Variants in ABL2 observed in about 807,000 individuals in gnomAD.
ABL2 encodes the protein tyrosine-protein kinase ABL2.
A neutral mutation model predicts 107.7 loss-of-function variants in ABL2; 49 were observed. That is an observed-to-expected ratio of 0.45 (90% CI 0.36 to 0.58). The LOEUF is 0.58. ABL2 is among the 20% of genes least tolerant of loss of function. The pLI is 0.00. For synonymous variants in ABL2, 549 were observed against 548.6 expected, an observed-to-expected ratio of 1.00 and a Z score of -0.01; for missense variants, 1,245 against 1,457.0, an observed-to-expected ratio of 0.85 and a Z score of 2.37.
At chr1:179,148,044 T>C (rs555260385) in intron 1 of ABL2, among the ~76,000 whole-genome samples, 7 of 149,968 alleles carry the variant, frequency 4.7e-5, no homozygotes, top group Admixed American at 1.3e-4. Context: ...CTTTTCTTTT[T>C]TTTTTTTTTT....
chr1:179,180,901 C>T (rs1381931909), intron 1 of ABL2, among the ~76,000 whole-genome samples: 1 of 152,146 alleles, frequency 6.6e-6, no homozygotes, highest in Admixed American at 6.5e-5. Context: ...CCCCCTACCA[C>T]AAAGCTAAAT....
Position 179,110,499 on chromosome 1 carries a change from G to C in ABL2, c.1652-44C>G, listed in dbSNP as rs190186223. ...GACCAATAAAAAGAACAATTTCATAGCAGAAAAAGGGAGTTCTTTTCAGAA... is the reference window on the plus strand; with the variant it reads ...GACCAATAAAAAGAACAATTTCATACCAGAAAAAGGGAGTTCTTTTCAGAA... On this transcript the variant is annotated intron_variant, in intron 10 of 11. Transcript: ENST00000502732. 182 of 1,566,616 alleles carry C rather than the reference G, an allele frequency of 1.2e-4. 2 individuals are homozygous for C. In the Admixed American group the frequency reaches 3.6e-3, roughly 31 times the overall value.
intron 1 of ABL2, among the ~76,000 whole-genome samples, chr1:179,185,455 A>T (rs72709477): frequency 0.022 from 3,366 of 152,104 alleles, 65 homozygotes; most frequent in Middle Eastern, 0.054. Context: ...TTTAAAAAAA[A>T]TTTTTTTGTT....
intron 1 of ABL2, among the ~76,000 whole-genome samples, chr1:179,209,909 T>A (rs1662170729): frequency 6.6e-6 from 1 of 152,214 alleles, no homozygotes; most frequent in Non-Finnish European, 1.5e-5. Context: ...AGGGTCTCAC[T>A]CTGCACCCAG....
chr1:179,128,496 AT>A (rs1156690188), intron 3 of ABL2, among the ~76,000 whole-genome samples: 1 of 152,174 alleles, frequency 6.6e-6, no homozygotes, highest in African/African-American at 2.4e-5. Flanking sequence ...CTTGAAAAGA[AT>A]TGGTAATAAC....
Position 179,106,486 on chromosome 1 carries a change from TG to T in ABL2, c.*1231del, listed in dbSNP as rs768459447. On this transcript the variant is annotated 3_prime_UTR_variant, in exon 12 of 12. Transcript: ENST00000502732. ...TGTACAAATAAGCACAATGATTGGG[TG>T]GGGGAGTAGGGAGGAATATGTGAGA... The T allele has an allele frequency of 1.2e-4, 27 of 232,534 alleles. No individual in the cohort carries two copies. Among genetic ancestry groups the T allele is most frequent in the Admixed American group, 2.8e-4 (5 of 17,738 alleles). 14.4% of individuals were successfully genotyped at this position (232,534 alleles called of 1,614,324 possible). A position where few individuals can be genotyped will look rare whatever the true frequency, so the allele number is the denominator to read the frequency against.
Position 179,114,858 on chromosome 1 carries a change from A to G in ABL2, c.1561+20T>C, listed in dbSNP as rs1654467944. 2 of 1,573,424 alleles carry G rather than the reference A, an allele frequency of 1.3e-6. No homozygotes were observed. The highest frequency in any genetic ancestry group is 4.6e-5 in the East Asian group (2 of 43,944). On this transcript the variant is annotated intron_variant, in intron 9 of 11. Coordinates refer to ENST00000502732, the MANE Select transcript of ABL2 (RefSeq NM_007314.4). ...CTGCTAGCTTATGCCTTCAAAATTA[A>G]AACATGCAAAAATACTCACATGCTC...
chr1:179,104,054 T>C lies in ABL2; in HGVS notation c.*3664A>G. 4.3e-6 allele frequency: 1 copy of C among 233,334 alleles called. No individual in the cohort carries two copies. Among genetic ancestry groups the C allele is most frequent in the East Asian group, 6.0e-5 (1 of 16,564 alleles). 14.5% of individuals were successfully genotyped at this position (233,334 alleles called of 1,614,324 possible). A position where few individuals can be genotyped will look rare whatever the true frequency, so the allele number is the denominator to read the frequency against. ...TTCCGTCAGTTTTTTTTGTTTGTTT[T>C]GTTTTGTTTTTTAACCCTAGGGGAT... On this transcript the variant is annotated 3_prime_UTR_variant, in exon 12 of 12. Coordinates refer to ENST00000502732, the MANE Select transcript of ABL2 (RefSeq NM_007314.4).
At chr1:179,206,376 A>G (rs1661967668) in intron 1 of ABL2, among the ~76,000 whole-genome samples, 1 of 152,178 alleles carries the variant, frequency 6.6e-6, no homozygotes, top group South Asian at 2.1e-4. Context: ...TTCTATAGCC[A>G]TACTAGCACA....
chr1:179,110,342 T>C lies in ABL2; in HGVS notation c.1765A>G (p.Lys589Glu). Residue 589 changes from lysine (K) to glutamate (E), a missense_variant, in exon 11 of 12, where the codon AAG becomes GAG. Around this residue, in one of 3 missense-constraint regions of ABL2, gnomAD observed 761 missense variants for 766.4 expected, o/e 0.99. Transcript: ENST00000502732. ...TCTTGTGCCCCTTCAATGTTCTCCTTGTTCTCCACCTGTTTCTTCAGTGTC... is the reference window on the plus strand; with the variant it reads ...TCTTGTGCCCCTTCAATGTTCTCCTCGTTCTCCACCTGTTTCTTCAGTGTC... ...TRTLKKQVENKENIEGAQDAT... is the reference protein window; with the variant it reads ...TRTLKKQVENEENIEGAQDAT... 1 of 1,614,230 alleles carries C rather than the reference T, an allele frequency of 6.2e-7. No individual in the cohort carries two copies.
chr1:179,168,708 T>C (rs1330277497), intron 1 of ABL2, among the ~76,000 whole-genome samples: 2 of 152,170 alleles, frequency 1.3e-5, no homozygotes, highest in Admixed American at 1.3e-4. Context: ...ACAGAGTAGA[T>C]ACATGACCCT....
chr1:179,153,775 T>A (rs1388625086), intron 1 of ABL2, among the ~76,000 whole-genome samples: 1 of 152,152 alleles, frequency 6.6e-6, no homozygotes, highest in Non-Finnish European at 1.5e-5. Context: ...CAACCTACCA[T>A]AGCTCCCAAA....
At chr1:179,151,811 T>C (rs1426729218) in intron 1 of ABL2, among the ~76,000 whole-genome samples, 7 of 152,198 alleles carry the variant, frequency 4.6e-5, no homozygotes, top group African/African-American at 1.7e-4. Flanking sequence ...TACCGTAGCA[T>C]TGAGCTTTGG....
At chr1:179,181,317 G>C (rs1369874832) in intron 1 of ABL2, among the ~76,000 whole-genome samples, 1 of 152,174 alleles carries the variant, frequency 6.6e-6, no homozygotes, top group Non-Finnish European at 1.5e-5. Context: ...ATGTATATTT[G>C]TCAAAAGTTT....
chr1:179,184,144 A>T, intron 1 of ABL2: 1 of 335,086 alleles, frequency 3.0e-6, no homozygotes, highest in Non-Finnish European at 5.7e-6. Context: ...AACCATCCTC[A>T]AGTGTCTGCA....
intron 1 of ABL2, 43 bp from the exon 2 acceptor site, chr1:179,133,417 C>T: frequency 6.2e-7 from 1 of 1,613,898 alleles, no homozygotes; most frequent in Non-Finnish European, 8.5e-7. Context: ...TCTTAAGCTT[C>T]TTCAATAGTT....
intron 6 of ABL2, 80 bp downstream of exon 6, chr1:179,120,110 A>G (rs1280709441): frequency 1.1e-6 from 1 of 895,568 alleles, no homozygotes; most frequent in Non-Finnish European, 1.7e-6. Context: ...AAAAGAAAAA[A>G]AAAAAGCATT....
Position 179,106,422 on chromosome 1 carries a change from G to A in ABL2, c.*1296C>T. ...AATTATGCATTCTTAAAATAGAAGT[G>A]AAATGACAAAATAAATAAAGAATAT... On this transcript the variant is annotated 3_prime_UTR_variant, in exon 12 of 12. Coordinates refer to ENST00000502732, the MANE Select transcript of ABL2 (RefSeq NM_007314.4). The A allele has an allele frequency of 4.3e-6, 1 of 232,382 alleles. No homozygotes were observed. Among genetic ancestry groups the A allele is most frequent in the Non-Finnish European group, 8.5e-6 (1 of 117,566 alleles). The allele number at this position is 232,382 out of a possible 1,614,324, so 14.4% of individuals were successfully genotyped here.
intron 3 of ABL2, among the ~76,000 whole-genome samples, chr1:179,128,921 G>A (rs937593124): frequency 6.6e-6 from 1 of 151,848 alleles, no homozygotes; most frequent in African/African-American, 2.4e-5. Flanking sequence ...CTAGGCTCAC[G>A]CAATCCTCCT....
Sources: allele counts gnomAD v4.1 joint callset (sites outside exome capture counted in the v4.1 genomes callset), GRCh38; gene constraint gnomAD v4.1.1; regional missense constraint gnomAD v4.1.1; transcripts MANE v1.5; gene names NCBI Gene and HGNC (gene_info 2026-07-23, HGNC 2026-07-21).